The following ZC2HC1A variants were observed in gnomAD, a reference collection of about 807,000 sequenced individuals.
ZC2HC1A encodes the protein zinc finger C2HC-type containing 1A.
Under a neutral mutation model 40.7 loss-of-function variants are expected in ZC2HC1A, and 28 were observed. The observed-to-expected ratio is 0.69, with a 90% CI of 0.51 to 0.94. ZC2HC1A has a LOEUF of 0.94. Among genes scored for constraint, ZC2HC1A ranks in the 40% least tolerant of loss-of-function variants. The pLI is 0.00. For missense variants in ZC2HC1A, 389 were observed against 386.3 expected (o/e 1.01, Z -0.06); for synonymous variants, 129 against 129.2 (o/e 1.00, Z 0.01).
intron 7 of ZC2HC1A, among the ~76,000 whole-genome samples, chr8:78,714,668 T>A (rs1191778520): frequency 1.3e-5 from 2 of 152,186 alleles, no homozygotes; most frequent in Admixed American, 1.3e-4. Context: ...CAGAAGTCCC[T>A]CTGATTTCGG....
At chr8:78,674,815 T>A (rs544338871) in intron 1 of ZC2HC1A, among the ~76,000 whole-genome samples, 75 of 152,264 alleles carry the variant, frequency 4.9e-4, no homozygotes, top group Non-Finnish European at 9.7e-4. Flanking sequence ...TTATATGGAG[T>A]TATATAATTG....
chr8:78,695,646 CTT>C (rs1563631331), intron 5 of ZC2HC1A, among the ~76,000 whole-genome samples: 1 of 152,034 alleles, frequency 6.6e-6, no homozygotes, highest in Non-Finnish European at 1.5e-5. Flanking sequence ...TAATGTCTGT[CTT>C]TCTCTCTCTA....
chr8:78,675,875 G>A lies in ZC2HC1A; in HGVS notation c.93+12G>A. 6.2e-7 allele frequency: 1 copy of A among 1,602,334 alleles called. No homozygotes were observed. Among genetic ancestry groups the A allele is most frequent in the Non-Finnish European group, 8.5e-7 (1 of 1,172,006 alleles). Reference sequence around the variant, plus strand: ...TTCCAGTAGCATTAGTGAGTAGACTGATTTTGTACCTTTATGGTTTTACAG... The same window carrying A: ...TTCCAGTAGCATTAGTGAGTAGACTAATTTTGTACCTTTATGGTTTTACAG... On this transcript the variant is annotated intron_variant, in intron 2 of 8. Transcript: ENST00000263849.
chr8:78,688,806 A>G (rs1280398025), intron 4 of ZC2HC1A, among the ~76,000 whole-genome samples: 1 of 152,130 alleles, frequency 6.6e-6, no homozygotes, highest in Non-Finnish European at 1.5e-5. Flanking sequence ...AAAAAATTTT[A>G]ATAGATGAGC....
chr8:78,687,487 T>C (rs1380187371), intron 4 of ZC2HC1A, among the ~76,000 whole-genome samples: 1 of 144,588 alleles, frequency 6.9e-6, no homozygotes, highest in Non-Finnish European at 1.5e-5. Flanking sequence ...TATATAATTA[T>C]ATATGTTTAT....
In ZC2HC1A at chr8:78,689,329, T is replaced by C; in HGVS notation, c.460T>C (p.Phe154Leu). Reference sequence around the variant, plus strand: ...AGCACGTATTAGTAATAAAGGGAAATTTTCTACAGATACCAAAGGAAAACC... The same window carrying C: ...AGCACGTATTAGTAATAAAGGGAAACTTTCTACAGATACCAAAGGAAAACC... The part of the protein sequence containing the change: ...QAARISNKGK[F>L]STDTKGKPTS... Residue 154 changes from phenylalanine to leucine, a missense_variant, in exon 5 of 9, where the codon TTT becomes CTT. Physicochemically the swap from Phe to Leu is conservative, Grantham distance 22 (BLOSUM62 0). Coordinates refer to ENST00000263849, the MANE Select transcript of ZC2HC1A (RefSeq NM_016010.3). The C allele has an allele frequency of 6.2e-7, 1 of 1,603,092 alleles. No individual in the cohort carries two copies.
At chr8:78,672,735 CT>C (rs968508197) in intron 1 of ZC2HC1A, among the ~76,000 whole-genome samples, 3 of 152,132 alleles carry the variant, frequency 2.0e-5, no homozygotes, top group Non-Finnish European at 4.4e-5. Flanking sequence ...TTATTCTGGT[CT>C]TTTTGCCCAC....
chr8:78,693,321 T>G (rs1810280006), intron 5 of ZC2HC1A, among the ~76,000 whole-genome samples: 1 of 151,276 alleles, frequency 6.6e-6, no homozygotes, highest in South Asian at 2.1e-4. Flanking sequence ...ACTTCCACAA[T>G]GGTTGAACTA....
chr8:78,693,247 A>C (rs1400515006), intron 5 of ZC2HC1A, among the ~76,000 whole-genome samples: 2 of 152,124 alleles, frequency 1.3e-5, no homozygotes, highest in African/African-American at 4.8e-5. Flanking sequence ...GTATATACCC[A>C]GTAATGGGAT....
rs1809902246 is a variant in ZC2HC1A, at chr8:78,684,642, A to G, written c.211-1825A>G. ...GAGAATTAAGTAAGAAATTACTACA[A>G]ACAACAGGAGTAAAGGGAAGTAATG... On this transcript the variant is annotated intron_variant, in intron 3 of 8. Coordinates refer to ENST00000263849, the MANE Select transcript of ZC2HC1A (RefSeq NM_016010.3). 5.9e-5 allele frequency among the ~76,000 whole-genome samples: 9 copies of G among 152,336 alleles called. No individual in the cohort carries two copies. The South Asian group carries it at 1.9e-3, about 32-fold the overall frequency.
intron 7 of ZC2HC1A, among the ~76,000 whole-genome samples, chr8:78,711,316 C>A (rs1208950019): frequency 1.3e-5 from 2 of 152,044 alleles, no homozygotes; most frequent in African/African-American, 2.4e-5. Context: ...TCCTACAAAC[C>A]TGCAGTTTGT....
intron 3 of ZC2HC1A, chr8:78,678,894 A>G (rs538776813): frequency 6.8e-6 from 2 of 294,226 alleles, no homozygotes; most frequent in Non-Finnish European, 1.2e-5. Context: ...TAAACTTCAA[A>G]GAAGAGACCA....
chr8:78,692,305 G>A (rs1810237293), intron 5 of ZC2HC1A, among the ~76,000 whole-genome samples: 1 of 151,978 alleles, frequency 6.6e-6, no homozygotes, highest in South Asian at 2.1e-4. Flanking sequence ...ACATGCCTGT[G>A]CCTGGCTTAA....
intron 7 of ZC2HC1A, chr8:78,712,134 A>T (rs908406849): frequency 6.5e-6 from 8 of 1,229,004 alleles, no homozygotes; most frequent in Middle Eastern, 2.2e-4. Context: ...AGTTTGGTTA[A>T]TATTTTTCAG....
At chr8:78,697,611 TAAG>T in intron 6 of ZC2HC1A, 105 bp downstream of exon 6, 1 of 775,932 alleles carries the variant, frequency 1.3e-6, no homozygotes, top group South Asian at 1.9e-5. Context: ...GATTTATAAT[TAAG>T]AAGAGATGTA....
Position 78,678,420 on chromosome 8 carries a change from G to C in ZC2HC1A, c.94-143G>C, listed in dbSNP as rs2130442864. ...CAACTTAACATTTGGTTAAGGCAAG[G>C]TGTATCTTATTTATTTATTATTTTG... On this transcript the variant is annotated intron_variant, in intron 2 of 8. Coordinates refer to ENST00000263849, the MANE Select transcript of ZC2HC1A (RefSeq NM_016010.3). The C allele has an allele frequency of 6.2e-6, 4 of 644,158 alleles. No individual in the cohort carries two copies. The East Asian group carries it at 1.1e-4, about 17-fold the overall frequency. 39.9% of individuals were successfully genotyped at this position (644,158 alleles called of 1,614,324 possible).
intron 4 of ZC2HC1A, among the ~76,000 whole-genome samples, chr8:78,687,398 C>T (rs1484285487): frequency 2.0e-5 from 3 of 149,084 alleles, no homozygotes; most frequent in Non-Finnish European, 3.0e-5. Flanking sequence ...TAGTAAATAT[C>T]TTAGATTTTA....
chr8:78,682,761 A>G (rs1809830778), intron 3 of ZC2HC1A, among the ~76,000 whole-genome samples: 1 of 152,184 alleles, frequency 6.6e-6, no homozygotes, highest in Non-Finnish European at 1.5e-5. Context: ...CATTAACCCT[A>G]AAGTCCACAG....
In ZC2HC1A at chr8:78,686,450, T is replaced by TATTC; in HGVS notation, c.211-14_211-13insCATT. 1 of 1,351,934 alleles carries TATTC rather than the reference T, an allele frequency of 7.4e-7. No homozygotes were observed. Among genetic ancestry groups the TATTC allele is most frequent in the Non-Finnish European group, 9.6e-7 (1 of 1,037,316 alleles). 83.7% of individuals were successfully genotyped at this position (1,351,934 alleles called of 1,614,324 possible). Reference sequence around the variant, plus strand: ...CTGTTTGTTTATTTATTTATTTATTTATTTATTTATTTATAGCCAGAACCA... The same window carrying TATTC: ...CTGTTTGTTTATTTATTTATTTATTTATTCATTTATTTATTTATAGCCAGAACCA... On this transcript the variant is annotated splice_polypyrimidine_tract_variant and intron_variant, in intron 3 of 8. Transcript: ENST00000263849.
Sources: gnomAD v4.1 joint callset for allele counts (sites outside exome capture counted in the v4.1 genomes callset) on GRCh38, gnomAD v4.1.1 for gene constraint, MANE v1.5 for transcripts, NCBI Gene and HGNC (gene_info 2026-07-23, HGNC 2026-07-21) for gene names.